Variants in NAV2 observed in about 807,000 individuals in gnomAD.
NAV2 encodes neuron navigator 2.
A neutral mutation model predicts 223.2 loss-of-function variants in NAV2; 54 were observed. The observed-to-expected ratio is 0.24, with a 90% CI of 0.19 to 0.30. NAV2 has a LOEUF of 0.30. Ranked by LOEUF, NAV2 falls within the 10% of genes least tolerant of loss-of-function variation. NAV2 has a pLI of 1.00. For synonymous variants in NAV2, 1,279 were observed against 1,239.3 expected (o/e 1.03, Z -0.67); for missense variants, 2,806 against 3,147.5 (o/e 0.89, Z 2.60).
At chr11:19,777,904 G>T (rs1421295346) in intron 1 of NAV2, 1 of 455,940 alleles carries the variant, frequency 2.2e-6, no homozygotes, top group South Asian at 1.5e-5. Context: ...CCCCCATTGT[G>T]TCTTGATACT....
At chr11:19,528,910 CAG>C (rs909684669) in intron 1 of NAV2, among the ~76,000 whole-genome samples, 1 of 110,256 alleles carries the variant, frequency 9.1e-6, no homozygotes, top group African/African-American at 3.6e-5. Context: ...AGCCCGGTGA[CAG>C]AGTGAGACTC....
intron 3 of NAV2, among the ~76,000 whole-genome samples, chr11:19,847,024 G>T (rs991229561): frequency 6.6e-6 from 1 of 152,182 alleles, no homozygotes; most frequent in Non-Finnish European, 1.5e-5. Flanking sequence ...GCGTGTGTGC[G>T]TCAGAGCTGG....
intron 1 of NAV2, among the ~76,000 whole-genome samples, chr11:19,683,528 C>T (rs986448928): frequency 1.3e-5 from 2 of 152,276 alleles, no homozygotes; most frequent in Non-Finnish European, 1.5e-5. Flanking sequence ...AGCCAGCTGA[C>T]TGGGCCCATC....
chr11:19,469,753 A>C (rs537895571), intron 1 of NAV2, among the ~76,000 whole-genome samples: 19 of 152,278 alleles, frequency 1.2e-4, no homozygotes, highest in African/African-American at 4.3e-4. Context: ...GCTATTCTGT[A>C]TGTTCTGTCT....
chr11:19,942,301 C>T (rs1251744582), intron 8 of NAV2, among the ~76,000 whole-genome samples: 2 of 152,124 alleles, frequency 1.3e-5, no homozygotes, highest in Admixed American at 1.3e-4. Context: ...CCTACATTGC[C>T]CTTGGGATCT....
intron 26 of NAV2, among the ~76,000 whole-genome samples, chr11:20,088,294 C>A (rs1161514814): frequency 2.0e-5 from 3 of 152,212 alleles, no homozygotes; most frequent in Non-Finnish European, 4.4e-5. Flanking sequence ...TCTCCTGCCT[C>A]AGCCTCCTGA....
intron 6 of NAV2, among the ~76,000 whole-genome samples, chr11:19,922,175 G>A (rs1025502002): frequency 3.3e-5 from 5 of 151,934 alleles, no homozygotes; most frequent in African/African-American, 7.2e-5. Flanking sequence ...AATGGGTCCT[G>A]GGTCTCTCAC....
chr11:19,778,072 A>G, intron 1 of NAV2: 1 of 428,388 alleles, frequency 2.3e-6, no homozygotes, highest in Non-Finnish European at 4.8e-6. Context: ...GGGTGCAGGT[A>G]CTTTTTCCCT....
chr11:19,504,536 C>T (rs928090622), intron 1 of NAV2: 5 of 152,112 alleles, frequency 3.3e-5, no homozygotes, highest in African/African-American at 9.7e-5. Flanking sequence ...ACTGAGTGAC[C>T]ACTCTTTAGG....
Position 19,525,201 on chromosome 11 carries a change from G to A in NAV2, c.75+174174G>A, listed in dbSNP as rs564168935. On this transcript the variant is annotated intron_variant, in intron 1 of 37. Coordinates refer to the NAV2 transcript ENST00000360655. Reference sequence around the variant, plus strand: ...GTCCAACCTGTGTCATTGACAGATGGGGAAACTGGGCCCCAGAGAGGTGCA... The same window carrying A: ...GTCCAACCTGTGTCATTGACAGATGAGGAAACTGGGCCCCAGAGAGGTGCA... Among the ~76,000 whole-genome samples, 20 of 152,310 alleles carry A rather than the reference G, an allele frequency of 1.3e-4. No individual in the cohort carries two copies. The East Asian group carries it at 3.9e-3, about 29-fold the overall frequency.
intron 1 of NAV2, among the ~76,000 whole-genome samples, chr11:19,667,319 G>C (rs772120384): frequency 3.3e-5 from 5 of 152,236 alleles, no homozygotes; most frequent in Non-Finnish European, 5.9e-5. Context: ...CATGGTCCTT[G>C]ACCTTGAGAT....
intron 5 of NAV2, among the ~76,000 whole-genome samples, chr11:19,889,029 T>C (rs1045025612): frequency 2.0e-5 from 3 of 152,218 alleles, no homozygotes; most frequent in Non-Finnish European, 4.4e-5. Flanking sequence ...TCTTTCAGTT[T>C]GTAGAAAGTC....
chr11:19,502,501 C>T (rs10766565), intron 1 of NAV2, among the ~76,000 whole-genome samples: 51,619 of 151,982 alleles, frequency 0.34, 9,165 homozygotes, highest in South Asian at 0.39. Context: ...TAAGATGAAG[C>T]AGAAAAATGG....
chr11:19,346,326 G>A (rs929978623), upstream of NAV2, among the ~76,000 whole-genome samples: 3 of 152,332 alleles, frequency 2.0e-5, no homozygotes, highest in African/African-American at 7.2e-5. Context: ...GTGTGTATGT[G>A]TTGGTGGGGG....
chr11:19,616,024 C>G (rs1488387112), intron 1 of NAV2, among the ~76,000 whole-genome samples: 3 of 152,136 alleles, frequency 2.0e-5, no homozygotes, highest in Non-Finnish European at 4.4e-5. Context: ...CTTTATCTGA[C>G]AGCCCACACA....
chr11:19,836,514 G>A (rs1565402156), intron 2 of NAV2, among the ~76,000 whole-genome samples: 2 of 145,806 alleles, frequency 1.4e-5, no homozygotes, highest in African/African-American at 2.6e-5. Flanking sequence ...CCGAGATTGC[G>A]CCACTGCAGT....
chr11:19,966,403 C>G (rs2048774109), intron 10 of NAV2, among the ~76,000 whole-genome samples: 1 of 152,188 alleles, frequency 6.6e-6, no homozygotes, highest in Non-Finnish European at 1.5e-5. Context: ...GTGCCTAGCA[C>G]AGAGCATGGT....
intron 1 of NAV2, among the ~76,000 whole-genome samples, chr11:19,403,939 C>T (rs57489799): frequency 6.6e-6 from 1 of 151,582 alleles, no homozygotes; most frequent in East Asian, 2.0e-4. Context: ...GTGGCTCTTA[C>T]GGGGACCATG....
At chr11:19,681,438 C>G (rs569581693) in intron 1 of NAV2, among the ~76,000 whole-genome samples, 8 of 152,002 alleles carry the variant, frequency 5.3e-5, no homozygotes, top group African/African-American at 1.9e-4. Context: ...ACCCAGGTCT[C>G]TCTGCAATTT....
Sources: allele counts gnomAD v4.1 joint callset (sites outside exome capture counted in the v4.1 genomes callset), GRCh38; gene constraint gnomAD v4.1.1; transcripts MANE v1.5; gene names NCBI Gene and HGNC (gene_info 2026-07-23, HGNC 2026-07-21).